The following MCF2 variants were observed in gnomAD, a reference collection of about 807,000 sequenced individuals.
MCF2 encodes MCF.2 cell line derived transforming sequence, also known as proto-oncogene DBL.
In MCF2, 44 loss-of-function variants were observed where a neutral mutation model predicts 82.5. The observed-to-expected ratio is 0.53, with a 90% confidence interval of 0.42 to 0.69. The LOEUF (loss-of-function observed/expected upper bound fraction) is 0.69, where lower values mean the gene tolerates loss of function less well. MCF2 is among the 30% of genes least tolerant of loss of function. The probability of loss-of-function intolerance (pLI) is 0.00; values close to 1 mark genes in which losing one functional copy is unlikely to be tolerated. For synonymous variants in MCF2, 217 were observed against 224.9 expected, an observed-to-expected ratio of 0.96 and a Z score of 0.32; for missense variants, 623 against 663.1, an observed-to-expected ratio of 0.94 and a Z score of 0.66.
chrX:139,654,843 G>A (rs144068283), intron 1 of MCF2, among the ~76,000 whole-genome samples: 1,554 of 111,865 alleles, frequency 0.014, 24 homozygotes, highest in African/African-American at 0.048. Context: ...TAGGGATCTA[G>A]TTTCATTCTT....
At chrX:139,627,687 T>C (rs1276970383) in intron 4 of MCF2, among the ~76,000 whole-genome samples, 1 of 111,788 alleles carries the variant, frequency 8.9e-6, no homozygotes, top group Non-Finnish European at 1.9e-5. Context: ...CGGAACATTG[T>C]TATACATAGA....
upstream of MCF2, chrX:139,646,950 A>G (rs1437651821): frequency 1.4e-6 from 1 of 735,181 alleles, no homozygotes; most frequent in Non-Finnish European, 2.0e-6. Context: ...TGTATATAAC[A>G]ACGAAGCAAG....
intron 20 of MCF2, 78 bp from the exon 25 acceptor site, chrX:139,588,516 T>G: frequency 1.7e-6 from 1 of 594,876 alleles, no homozygotes. Flanking sequence ...AAAACAAATG[T>G]AATTGTGTAC....
In MCF2 at chrX:139,659,162, C is replaced by T. The variant is rs188943208; in HGVS notation, c.-44-7374G>A. On this transcript the variant is annotated intron_variant, in intron 1 of 27. Transcript: ENST00000414978. ...AATTAGCTGGGCGTGGTGGCACGTG[C>T]CTGTAGTCCCAGCTACTCGGGAGGC... 2.3e-3 allele frequency among the ~76,000 whole-genome samples: 254 copies of T among 110,774 alleles called. 1 individual carries two copies. Among genetic ancestry groups the T allele is most frequent in the Non-Finnish European group, 2.9e-3 (155 of 52,909 alleles).
At chrX:139,642,739 G>T (rs1312075622) in exon 1 of MCF2, 1 of 1,059,650 alleles carries the variant, frequency 9.4e-7, no homozygotes, top group Non-Finnish European at 1.2e-6. Flanking sequence ...CTTCCCTTCT[G>T]CTCCTTGTAA....
intron 6 of MCF2, among the ~76,000 whole-genome samples, chrX:139,624,607 T>G (rs1005088699): frequency 9.0e-6 from 1 of 110,620 alleles, no homozygotes; most frequent in Non-Finnish European, 1.9e-5. Context: ...GGAAATGTTC[T>G]AGATTCAAGG....
intron 1 of MCF2, among the ~76,000 whole-genome samples, chrX:139,668,414 A>T (rs1438584955): frequency 9.0e-6 from 1 of 111,290 alleles, no homozygotes; most frequent in Admixed American, 9.6e-5. Context: ...GTTCCATCTC[A>T]CGGTCTCCTG....
At chrX:139,646,809 A>G, upstream of MCF2, 1 of 1,138,213 alleles carries the variant, frequency 8.8e-7, no homozygotes, top group Non-Finnish European at 1.2e-6. Flanking sequence ...ATGTCAGGTA[A>G]GTAAGTACTT....
intron 2 of MCF2, among the ~76,000 whole-genome samples, chrX:139,648,138 G>A (rs759069083): frequency 9.9e-5 from 11 of 111,606 alleles, no homozygotes; most frequent in East Asian, 2.8e-4. Context: ...TTGGGAGGCC[G>A]AAGCCAGAGG....
chrX:139,673,499 G>T (rs768330567), intron 1 of MCF2, among the ~76,000 whole-genome samples: 19 of 112,052 alleles, frequency 1.7e-4, no homozygotes, highest in South Asian at 1.5e-3. Context: ...GTGTCCCAGA[G>T]ATTCTGGTAC....
exon 1 of MCF2, chrX:139,642,793 C>G: frequency 3.0e-6 from 3 of 1,006,272 alleles, no homozygotes; most frequent in Non-Finnish European, 3.8e-6. Context: ...CTGATTGAAC[C>G]TTGTGGATTA....
chrX:139,588,295 T>A, intron 21 of MCF2, 65 bp downstream of exon 25: 1 of 865,242 alleles, frequency 1.2e-6, no homozygotes, highest in Non-Finnish European at 1.7e-6. Flanking sequence ...AAAAATAATT[T>A]AAAAATCTGA....
chrX:139,651,506 C>T (rs145817247), intron 2 of MCF2, among the ~76,000 whole-genome samples: 1,550 of 111,554 alleles, frequency 0.014, 21 homozygotes, highest in African/African-American at 0.048. Context: ...ACTCATATAT[C>T]TAAAATGCTT....
At chrX:139,648,497 C>T (rs1243126196) in intron 2 of MCF2, among the ~76,000 whole-genome samples, 5 of 111,449 alleles carry the variant, frequency 4.5e-5, no homozygotes, top group African/African-American at 1.6e-4. Flanking sequence ...GGAAAAGCTA[C>T]CATCTCACTA....
chrX:139,684,260 A>G lies in MCF2; in HGVS notation c.-45+23846T>C, dbSNP rs181941246. ...ACATCACTAGTCATTCAGGAAATGT[A>G]AATCAAAACTACAATAAAAAACTAT... On this transcript the variant is annotated intron_variant, in intron 1 of 27. Transcript: ENST00000414978. Among the ~76,000 whole-genome samples the G allele has an allele frequency of 7.0e-3, 786 of 112,786 alleles. 5 individuals carry two copies. Among genetic ancestry groups the G allele is most frequent in the African/African-American group, 0.023 (728 of 31,111 alleles).
upstream of MCF2, among the ~76,000 whole-genome samples, chrX:139,643,433 A>G (rs1383597752): frequency 8.9e-6 from 1 of 111,783 alleles, no homozygotes; most frequent in Non-Finnish European, 1.9e-5. Context: ...TCAAACAGTA[A>G]CCAACAGTTA....
At chrX:139,629,024 ACTC>A (rs1196285939) in intron 4 of MCF2, among the ~76,000 whole-genome samples, 1 of 111,278 alleles carries the variant, frequency 9.0e-6, no homozygotes, top group African/African-American at 3.3e-5. Flanking sequence ...CGGCCTCCTG[ACTC>A]CTCCTCAAAA....
At chrX:139,706,088 A>G (rs964390784) in intron 1 of MCF2, among the ~76,000 whole-genome samples, 4 of 112,799 alleles carry the variant, frequency 3.5e-5, no homozygotes, top group Admixed American at 9.4e-5. Flanking sequence ...GCAAGGCAGC[A>G]GAGAAAAGCA....
At chrX:139,627,654 A>G (rs926857742) in intron 4 of MCF2, among the ~76,000 whole-genome samples, 2 of 111,658 alleles carry the variant, frequency 1.8e-5, no homozygotes, top group African/African-American at 3.3e-5. Context: ...AAAAGCCAAT[A>G]TTTACGAAGT....
Sources: gnomAD v4.1 joint callset for allele counts (sites outside exome capture counted in the v4.1 genomes callset) on GRCh38, gnomAD v4.1.1 for gene constraint, MANE v1.5 for transcripts, NCBI Gene and HGNC (gene_info 2026-07-23, HGNC 2026-07-21) for gene names.